PTK2: variants seen among roughly 807,000 people sequenced by gnomAD.
PTK2 encodes protein tyrosine kinase 2.
Under a neutral mutation model 150.1 loss-of-function variants are expected in PTK2, and 45 were observed. The ratio of observed to expected loss-of-function variants is 0.30; its 90% CI spans 0.24 to 0.38. The LOEUF (loss-of-function observed/expected upper bound fraction) is 0.38, where lower values mean the gene tolerates loss of function less well. Ranked by LOEUF, PTK2 falls within the 10% of genes least tolerant of loss-of-function variation. The probability of loss-of-function intolerance (pLI) is 1.00; values close to 1 mark genes in which losing one functional copy is unlikely to be tolerated. For synonymous variants in PTK2, 432 were observed against 449.2 expected, an observed-to-expected ratio of 0.96 and a Z score of 0.48; for missense variants, 919 against 1,307.3, an observed-to-expected ratio of 0.70 and a Z score of 4.58.
At chr8:140,735,454 A>G in exon 22 of PTK2, 1 of 1,613,700 alleles carries the variant, frequency 6.2e-7, no homozygotes, top group Non-Finnish European at 8.5e-7. Flanking sequence ...ACATACACAC[A>G]CCTGTCAAGT....
chr8:140,702,780 A>G lies in PTK2; in HGVS notation c.2230-73T>C, dbSNP rs137869920. On this transcript the variant is annotated intron_variant, in intron 24 of 31. Coordinates refer to ENST00000522684, the Ensembl canonical transcript of PTK2. ...ACAGTTCTGCTTCACACACAAAGGA[A>G]ACTAAAATTACAGAGAATATTGTGG... 59 of 1,484,840 alleles carry G rather than the reference A, an allele frequency of 4.0e-5. No individual in the cohort carries two copies. In the African/African-American group the frequency reaches 7.3e-4, roughly 18 times the overall value. 92.0% of individuals were successfully genotyped at this position (1,484,840 alleles called of 1,614,324 possible). A position where few individuals can be genotyped will look rare whatever the true frequency, so the allele number is the denominator to read the frequency against.
chr8:140,981,944 C>G (rs1346837309), intron 1 of PTK2, among the ~76,000 whole-genome samples: 3 of 151,968 alleles, frequency 2.0e-5, no homozygotes, highest in Non-Finnish European at 4.4e-5. Context: ...GAGATTATCT[C>G]TACCTTATAT....
chr8:140,703,213 AGATCG>A (rs1313713485), intron 24 of PTK2, among the ~76,000 whole-genome samples: 2 of 151,898 alleles, frequency 1.3e-5, no homozygotes, highest in African/African-American at 4.8e-5. Flanking sequence ...CAGTGAGCCG[AGATCG>A]GGCCATTGCA....
intron 22 of PTK2, among the ~76,000 whole-genome samples, chr8:140,728,297 A>G (rs1254493230): frequency 6.6e-6 from 1 of 152,210 alleles, no homozygotes; most frequent in African/African-American, 2.4e-5. Flanking sequence ...GTCATTCCAA[A>G]GCTCATAATT....
exon 16 of PTK2, chr8:140,761,239 C>T (rs1162192882): frequency 1.2e-6 from 2 of 1,612,142 alleles, no homozygotes; most frequent in African/African-American, 2.7e-5. Flanking sequence ...TCTATTCTTT[C>T]TCTTTGAATC....
chr8:140,882,213 A>G (rs1365821807), intron 3 of PTK2, among the ~76,000 whole-genome samples: 1 of 152,212 alleles, frequency 6.6e-6, no homozygotes, highest in East Asian at 1.9e-4. Flanking sequence ...TATACTCAGT[A>G]ACTTAAGTAA....
chr8:140,793,361 T>C (rs1412839758), exon 13 of PTK2: 7 of 1,609,834 alleles, frequency 4.3e-6, no homozygotes, highest in Non-Finnish European at 5.9e-6. Context: ...TACTTTGGTA[T>C]TGATGGCAAA....
chr8:140,789,328 A>T, intron 14 of PTK2, 146 bp downstream of exon 14: 1 of 612,678 alleles, frequency 1.6e-6, no homozygotes, highest in Non-Finnish European at 2.6e-6. Context: ...CTATTTAATG[A>T]TGGTAAAATT....
chr8:140,723,387 G>A (rs1320801817), intron 22 of PTK2, among the ~76,000 whole-genome samples: 1 of 152,076 alleles, frequency 6.6e-6, no homozygotes, highest in Non-Finnish European at 1.5e-5. Flanking sequence ...AAACGTTTCT[G>A]AGAAACCATA....
At chr8:140,668,191 G>C (rs1167294489) in intron 30 of PTK2, 78 bp downstream of exon 34, 19 of 1,551,416 alleles carry the variant, frequency 1.2e-5, no homozygotes, top group Non-Finnish European at 1.3e-5. Context: ...GGGGGACCTA[G>C]AGACATCTAT....
At position 140,715,155 on chromosome 8, in the gene PTK2, GTTTTTTTTTTTTTTTT is replaced by G. The variant is rs67306225; in HGVS notation, c.2142+2427_2142+2442del. 1.1e-3 allele frequency among the ~76,000 whole-genome samples: 60 copies of G among 56,012 alleles called. 1 individual carries two copies. Among genetic ancestry groups the G allele is most frequent in the East Asian group, 2.6e-3 (4 of 1,514 alleles). The allele number at this position is 56,012 out of a possible 152,430, so 36.7% of individuals were successfully genotyped here. ...AGATGATTTTCTAGCCATTAAAACC[GTTTTTTTTTTTTTTTT>G]TTTTTTTTTTTTTTTTTTTTTGAGA... On this transcript the variant is annotated intron_variant, in intron 23 of 31. Transcript: ENST00000522684.
intron 2 of PTK2, among the ~76,000 whole-genome samples, chr8:140,907,863 C>T (rs1023536317): frequency 6.6e-6 from 1 of 152,182 alleles, no homozygotes; most frequent in African/African-American, 2.4e-5. Context: ...ATCTCTCCCA[C>T]CTCTCCTAAG....
At chr8:140,764,256 T>A in exon 15 of PTK2, 7 of 1,611,362 alleles carry the variant, frequency 4.3e-6, no homozygotes, top group Non-Finnish European at 5.9e-6. Context: ...TGTAAGTATC[T>A]TCTTCATCTA....
intron 2 of PTK2, among the ~76,000 whole-genome samples, chr8:140,900,617 G>A (rs368951855): frequency 1.6e-3 from 238 of 152,102 alleles, no homozygotes; most frequent in African/African-American, 4.8e-3. Flanking sequence ...AGCTACTCGA[G>A]AAGCTGAGCC....
At chr8:140,776,907 G>A (rs1034222439) in intron 14 of PTK2, among the ~76,000 whole-genome samples, 1 of 152,224 alleles carries the variant, frequency 6.6e-6, no homozygotes, top group African/African-American at 2.4e-5. Flanking sequence ...GCGAAGTGCT[G>A]AATAATGAGT....
rs895067580 is a variant in PTK2, at chr8:140,664,808, T to A, written c.2946+109A>T. 4.6e-6 allele frequency: 5 copies of A among 1,086,538 alleles called. No individual in the cohort carries two copies. In the African/African-American group the frequency reaches 7.7e-5, roughly 17 times the overall value. 67.3% of individuals were successfully genotyped at this position (1,086,538 alleles called of 1,614,324 possible). On this transcript the variant is annotated intron_variant, in intron 31 of 31. Coordinates refer to ENST00000522684, the Ensembl canonical transcript of PTK2. ...GTCATCGCTTGTAGGGCAGTTGATG[T>A]CTCTGCTGGCCACAGACTGAGGAGC... is the stretch of plus-strand genomic sequence containing the variant.
chr8:140,920,836 T>G, intron 2 of PTK2: 1 of 1,523,526 alleles, frequency 6.6e-7, no homozygotes, highest in Non-Finnish European at 8.8e-7. Flanking sequence ...ACACTGGAAA[T>G]GGACTACATC....
intron 2 of PTK2, among the ~76,000 whole-genome samples, chr8:140,917,395 AGAG>A (rs1299902859): frequency 6.6e-6 from 1 of 152,040 alleles, no homozygotes; most frequent in East Asian, 1.9e-4. Context: ...AGGGCAGATG[AGAG>A]GAGAGGAGAG....
At chr8:140,881,902 T>C (rs1172484638) in intron 3 of PTK2, among the ~76,000 whole-genome samples, 1 of 152,166 alleles carries the variant, frequency 6.6e-6, no homozygotes, top group Non-Finnish European at 1.5e-5. Context: ...TCTTATTCCA[T>C]TCACTTGATC....
Sources: gnomAD v4.1 joint callset for allele counts (sites outside exome capture counted in the v4.1 genomes callset) on GRCh38, gnomAD v4.1.1 for gene constraint, MANE v1.5 for transcripts, NCBI Gene and HGNC (gene_info 2026-07-23, HGNC 2026-07-21) for gene names.